PCDH15: variants seen among roughly 807,000 people sequenced by gnomAD.
PCDH15 encodes protocadherin-15.
In PCDH15, 129 loss-of-function variants were observed where a neutral mutation model predicts 178.5. That is an observed-to-expected ratio of 0.72 (90% CI 0.63 to 0.84). PCDH15 has a LOEUF of 0.84. Among genes scored for constraint, PCDH15 ranks in the 40% least tolerant of loss-of-function variants. PCDH15 has a pLI of 0.00. For missense variants in PCDH15, 2,230 were observed against 2,099.9 expected, an observed-to-expected ratio of 1.06 and a Z score of -1.21; for synonymous variants, 800 against 732.0, an observed-to-expected ratio of 1.09 and a Z score of -1.50.
chr10:55,434,419 T>C (rs1187523619), intron 2 of PCDH15, among the ~76,000 whole-genome samples: 1 of 152,104 alleles, frequency 6.6e-6, no homozygotes. Flanking sequence ...CATATTTATA[T>C]TGAAATGAGT....
intron 2 of PCDH15, among the ~76,000 whole-genome samples, chr10:54,622,787 G>A (rs2093429234): frequency 2.2e-5 from 1 of 44,558 alleles, no homozygotes. Context: ...CACTACAGTG[G>A]GAAAAACCAT....
chr10:53,888,744 G>C (rs2081356232), intron 26 of PCDH15, among the ~76,000 whole-genome samples: 1 of 118,308 alleles, frequency 8.5e-6, no homozygotes, highest in Non-Finnish European at 1.7e-5. Context: ...AACCTTATTT[G>C]GTAATGAGCA....
At chr10:54,740,660 G>A (rs1300129976) in intron 1 of PCDH15, among the ~76,000 whole-genome samples, 4 of 151,922 alleles carry the variant, frequency 2.6e-5, no homozygotes, top group Non-Finnish European at 5.9e-5. Context: ...AGAAAATGTA[G>A]TATATATACA....
Position 53,961,810 on chromosome 10 carries a change from T to C in PCDH15, c.2951A>G (p.Asp984Gly), listed in dbSNP as rs1255120678. ...GACTCGTGTTATTACTCTTCCAGAA[T>C]CTTCTTCCACTTCAAAAATACTGGC... ...YPASIFEVEEDSGRVITRVNL... is the reference protein window; with the variant it reads ...YPASIFEVEEGSGRVITRVNL... Residue 984 changes from aspartate (D) to glycine (G), a missense_variant, in exon 22 of 38, where the codon GAT becomes GGT. By Grantham distance (94) the Asp-to-Gly change is moderately conservative. Transcript: ENST00000644397. The C allele has an allele frequency of 6.2e-7, 1 of 1,612,126 alleles. No homozygotes were observed. Among genetic ancestry groups the C allele is most frequent in the Admixed American group, 1.7e-5 (1 of 59,968 alleles).
intron 26 of PCDH15, among the ~76,000 whole-genome samples, chr10:53,872,973 T>C (rs532851763): frequency 6.6e-6 from 1 of 152,304 alleles, no homozygotes; most frequent in African/African-American, 2.4e-5. Context: ...ATCACTCCCA[T>C]CCCTTCTGCA....
chr10:54,331,171 A>G (rs1011686055), intron 6 of PCDH15, among the ~76,000 whole-genome samples: 42 of 151,880 alleles, frequency 2.8e-4, no homozygotes, highest in African/African-American at 8.9e-4. Context: ...AATGAAAAAA[A>G]AAAAGCTGAT....
chr10:53,975,839 G>T (rs1013376512), intron 21 of PCDH15, among the ~76,000 whole-genome samples: 1 of 151,992 alleles, frequency 6.6e-6, no homozygotes, highest in African/African-American at 2.4e-5. Flanking sequence ...CAAAACTTAC[G>T]TGCCAAGAGC....
At chr10:55,167,472 T>C (rs576918200) in intron 1 of PCDH15, among the ~76,000 whole-genome samples, 1 of 152,270 alleles carries the variant, frequency 6.6e-6, no homozygotes, top group Non-Finnish European at 1.5e-5. Context: ...ACCAATAATT[T>C]TATTATTGCC....
chr10:53,831,545 G>A lies in PCDH15; in HGVS notation c.3984-12C>T. 1.3e-6 allele frequency: 2 copies of A among 1,560,990 alleles called. No individual in the cohort carries two copies. The highest frequency in any genetic ancestry group is 1.4e-5 in the African/African-American group (1 of 73,912). On this transcript the variant is annotated splice_polypyrimidine_tract_variant and intron_variant, in intron 29 of 37. Coordinates refer to ENST00000644397, the MANE Select transcript of PCDH15 (RefSeq NM_001384140.1). The stretch of plus-strand genomic sequence containing the variant: ...TGCCATCCAAAAATCTTTATTGTTA[G>A]ATAAATAGTAAAATTAATGATGCTA...
At chr10:54,100,836 A>G (rs555638521) in intron 15 of PCDH15, among the ~76,000 whole-genome samples, 14 of 146,286 alleles carry the variant, frequency 9.6e-5, no homozygotes, top group East Asian at 2.0e-4. Flanking sequence ...GTGGGGGGGG[A>G]TTTTTTTTTT....
intron 1 of PCDH15, among the ~76,000 whole-genome samples, chr10:55,196,228 A>G (rs1413963816): frequency 6.6e-6 from 1 of 152,010 alleles, no homozygotes; most frequent in Non-Finnish European, 1.5e-5. Flanking sequence ...TTTTTCCATC[A>G]TCCCAGTCAT....
intron 3 of PCDH15, among the ~76,000 whole-genome samples, chr10:54,869,792 C>T (rs1954003231): frequency 1.3e-5 from 2 of 152,134 alleles, no homozygotes; most frequent in South Asian, 4.1e-4. Flanking sequence ...ATAAAACAAG[C>T]ATTTGATCTT....
intron 2 of PCDH15, among the ~76,000 whole-genome samples, chr10:55,139,676 T>G (rs1463360849): frequency 1.3e-5 from 2 of 152,050 alleles, no homozygotes; most frequent in Non-Finnish European, 2.9e-5. Flanking sequence ...CAATCCCACA[T>G]AGTCCTGATT....
chr10:54,564,513 T>A (rs965274029), intron 2 of PCDH15, among the ~76,000 whole-genome samples: 11 of 152,180 alleles, frequency 7.2e-5, no homozygotes, highest in African/African-American at 2.4e-4. Context: ...TGACGGCACA[T>A]TTTTTCTTAC....
rs549187699 is a variant in PCDH15, at chr10:53,995,325, A to G, written c.2868+324T>C. 39 of 361,430 alleles carry G rather than the reference A, an allele frequency of 1.1e-4. 1 individual carries two copies. Among genetic ancestry groups the G allele is most frequent in the South Asian group, 9.8e-4 (34 of 34,810 alleles). The allele number at this position is 361,430 out of a possible 1,614,324, so 22.4% of individuals were successfully genotyped here. A position where few individuals can be genotyped will look rare whatever the true frequency, so the allele number is the denominator to read the frequency against. ...GTCATATATGCATACAGTGGAAAAT[A>G]CATAAATTTAAAACATATCCAGATT... is the stretch of plus-strand genomic sequence containing the variant. On this transcript the variant is annotated intron_variant, in intron 21 of 37. Coordinates refer to ENST00000644397, the MANE Select transcript of PCDH15 (RefSeq NM_001384140.1).
intron 2 of PCDH15, among the ~76,000 whole-genome samples, chr10:55,147,149 T>C (rs1838539005): frequency 1.3e-5 from 2 of 151,620 alleles, no homozygotes; most frequent in East Asian, 3.9e-4. Flanking sequence ...TTTAACAATA[T>C]AAATAGAATA....
At chr10:53,977,980 C>T (rs539047178) in intron 21 of PCDH15, among the ~76,000 whole-genome samples, 153 of 152,286 alleles carry the variant, frequency 1.0e-3, no homozygotes, top group African/African-American at 3.6e-3. Flanking sequence ...CAGCACTACC[C>T]TTATGGCTTT....
intron 2 of PCDH15, among the ~76,000 whole-genome samples, chr10:54,949,523 A>G (rs1838280082): frequency 6.6e-6 from 1 of 151,944 alleles, no homozygotes; most frequent in African/African-American, 2.4e-5. Flanking sequence ...GGTAATTAAC[A>G]TTTGGCTTCT....
chr10:54,588,392 C>T (rs1225020348), intron 2 of PCDH15, among the ~76,000 whole-genome samples: 2 of 152,154 alleles, frequency 1.3e-5, no homozygotes, highest in Middle Eastern at 3.2e-3. Context: ...ACATTTTTCA[C>T]TTACATGATT....
Sources: allele counts gnomAD v4.1 joint callset (sites outside exome capture counted in the v4.1 genomes callset), GRCh38; gene constraint gnomAD v4.1.1; transcripts MANE v1.5; gene names NCBI Gene and HGNC (gene_info 2026-07-23, HGNC 2026-07-21).